The following CORO1C variants were observed in gnomAD, a reference collection of about 807,000 sequenced individuals.
CORO1C encodes coronin-1C.
CORO1C carries 14 observed loss-of-function variants against 51.2 expected under a neutral mutation model. That is an observed-to-expected ratio of 0.27 (90% CI 0.18 to 0.43). The LOEUF (loss-of-function observed/expected upper bound fraction) is 0.43, where lower values mean the gene tolerates loss of function less well. CORO1C is among the 20% of genes least tolerant of loss of function. The pLI is 1.00. For synonymous variants in CORO1C, 181 were observed against 210.5 expected (o/e 0.86, Z 1.21); for missense variants, 417 against 607.8 (o/e 0.69, Z 3.30).
Position 108,720,525 on chromosome 12 carries a change from A to T in CORO1C, c.-6+10904T>A, listed in dbSNP as rs1160209123. On this transcript the variant is annotated intron_variant, in intron 1 of 10. Coordinates refer to ENST00000261401, the MANE Select transcript of CORO1C (RefSeq NM_014325.4). ...GTTAGTTTATAATAACATAATAAGA[A>T]TTTTTTTTTTTTATTTGAGATGGAG... Among the ~76,000 whole-genome samples the T allele has an allele frequency of 2.0e-5, 3 of 148,980 alleles. No individual in the cohort carries two copies. In the East Asian group the frequency reaches 5.9e-4, roughly 29 times the overall value.
chr12:108,667,387 T>C (rs2033525232), intron 3 of CORO1C, among the ~76,000 whole-genome samples: 1 of 152,208 alleles, frequency 6.6e-6, no homozygotes, highest in South Asian at 2.1e-4. Context: ...ACCAACCAGC[T>C]TTCTCAAAAC....
chr12:108,698,622 G>A (rs1002034913), intron 2 of CORO1C, among the ~76,000 whole-genome samples: 1 of 152,192 alleles, frequency 6.6e-6, no homozygotes, highest in African/African-American at 2.4e-5. Context: ...GTCCAGGCTG[G>A]TCTCGAACTC....
rs2032390666 is a variant in CORO1C, at chr12:108,647,044, A to G, written c.*359T>C. On this transcript the variant is annotated 3_prime_UTR_variant, in exon 11 of 11. Coordinates refer to ENST00000261401, the MANE Select transcript of CORO1C (RefSeq NM_014325.4). ...TGTGGCATTGGTCCCTATTCATTAA[A>G]AAAAAAAGGGTACTTGGGCACGACA... The G allele has an allele frequency of 5.8e-6, 1 of 173,652 alleles. No homozygotes were observed. Among genetic ancestry groups the G allele is most frequent in the African/African-American group, 2.4e-5 (1 of 42,350 alleles). 10.8% of individuals were successfully genotyped at this position (173,652 alleles called of 1,614,324 possible).
rs2033119844 is a variant in CORO1C, at chr12:108,658,492, A to G, written c.630+246T>C. Among the ~76,000 whole-genome samples, 1 of 152,244 alleles carries G rather than the reference A, an allele frequency of 6.6e-6. No individual in the cohort carries two copies. The highest frequency in any genetic ancestry group is 1.5e-5 in the Non-Finnish European group (1 of 68,056). Reference sequence around the variant, plus strand: ...CTCTTAAGGACTCTAGTGAACTGATACAAACTATTTCTTTGTGAAAAAAGG... The same window carrying G: ...CTCTTAAGGACTCTAGTGAACTGATGCAAACTATTTCTTTGTGAAAAAAGG... On this transcript the variant is annotated intron_variant, in intron 5 of 10. Transcript: ENST00000261401. The surrounding 1 kb of genome is among the most constrained non-coding windows in gnomAD (Gnocchi z 4.9).
chr12:108,668,758 TTGCATTTGTGTTTGATTACTACCC>T (rs2033597368), intron 3 of CORO1C, among the ~76,000 whole-genome samples: 1 of 152,248 alleles, frequency 6.6e-6, no homozygotes, highest in African/African-American at 2.4e-5. Flanking sequence ...TAGCCATTTT[TTGCATTTGTGTTTGATTACTACCC>T]TGCAGATAAG....
chr12:108,693,929 C>T (rs1318668342), intron 2 of CORO1C, among the ~76,000 whole-genome samples: 4 of 152,148 alleles, frequency 2.6e-5, no homozygotes, highest in African/African-American at 9.7e-5. Context: ...TCTCTCACAC[C>T]CCAGTGCTAA....
intron 1 of CORO1C, among the ~76,000 whole-genome samples, chr12:108,724,938 C>T (rs141053860): frequency 0.028 from 4,194 of 152,292 alleles, 88 homozygotes; most frequent in Middle Eastern, 0.079. Flanking sequence ...GCTCTTTTCC[C>T]ACACAGGATG....
intron 6 of CORO1C, among the ~76,000 whole-genome samples, chr12:108,654,630 T>C (rs892778005): frequency 6.6e-6 from 1 of 151,970 alleles, no homozygotes; most frequent in African/African-American, 2.4e-5. Flanking sequence ...TTTGACAACA[T>C]AATGCGCGCA....
At chr12:108,699,684 A>G (rs2034803755) in intron 2 of CORO1C, among the ~76,000 whole-genome samples, 1 of 152,034 alleles carries the variant, frequency 6.6e-6, no homozygotes, top group Admixed American at 6.6e-5. Context: ...TCAAATCCCC[A>G]CTCCAAAACC....
intron 6 of CORO1C, among the ~76,000 whole-genome samples, chr12:108,655,959 C>T (rs147276847): frequency 0.024 from 3,688 of 150,920 alleles, 156 homozygotes; most frequent in African/African-American, 0.086. Context: ...GGCCGCCCAT[C>T]GTCTGAGATG....
intron 3 of CORO1C, among the ~76,000 whole-genome samples, chr12:108,667,557 T>C (rs1031797677): frequency 6.6e-6 from 1 of 152,198 alleles, no homozygotes; most frequent in East Asian, 1.9e-4. Context: ...GGACAACACA[T>C]TACTATGGCA....
chr12:108,694,904 G>A (rs554019301), intron 2 of CORO1C, among the ~76,000 whole-genome samples: 7 of 152,298 alleles, frequency 4.6e-5, no homozygotes, highest in South Asian at 4.1e-4. Flanking sequence ...TATGAGTCAC[G>A]TAATACAGTC....
chr12:108,682,328 T>A (rs909385689), intron 2 of CORO1C, among the ~76,000 whole-genome samples: 3 of 151,984 alleles, frequency 2.0e-5, no homozygotes, highest in Non-Finnish European at 4.4e-5. Flanking sequence ...GCTACACATA[T>A]TTTAAAAAAA....
chr12:108,723,292 T>C (rs961617305), intron 1 of CORO1C, among the ~76,000 whole-genome samples: 1 of 152,264 alleles, frequency 6.6e-6, no homozygotes, highest in African/African-American at 2.4e-5. Context: ...CAGTCAATTC[T>C]TTAAGTTCCT....
chr12:108,707,639 T>A (rs770143344), intron 1 of CORO1C, among the ~76,000 whole-genome samples: 6 of 152,134 alleles, frequency 3.9e-5, no homozygotes, highest in Non-Finnish European at 8.8e-5. Flanking sequence ...AAAAACTGGA[T>A]TCCATCAAAA....
intron 1 of CORO1C, among the ~76,000 whole-genome samples, chr12:108,714,694 C>A (rs888506898): frequency 6.6e-6 from 1 of 151,966 alleles, no homozygotes; most frequent in Admixed American, 6.6e-5. Context: ...GCCCAGGAGG[C>A]AGAGGTTGCA....
chr12:108,707,744 C>T (rs1178427062), intron 1 of CORO1C, among the ~76,000 whole-genome samples: 3 of 152,162 alleles, frequency 2.0e-5, no homozygotes, highest in Non-Finnish European at 4.4e-5. Flanking sequence ...TCTGATAAGA[C>T]ACTTGTATCT....
In CORO1C at chr12:108,648,682, G is replaced by C. The variant is rs1266995314; in HGVS notation, c.1228C>G (p.Leu410Val). The C allele has an allele frequency of 1.2e-6, 2 of 1,614,060 alleles. No individual in the cohort carries two copies. Among genetic ancestry groups the C allele is most frequent in the African/African-American group, 2.7e-5 (2 of 74,918 alleles). Residue 410 changes from leucine to valine, a missense_variant, in exon 10 of 11, where the codon CTG (leucine) becomes GTG (valine). By Grantham distance (32) the Leu-to-Val change is conservative. Coordinates refer to ENST00000261401, the MANE Select transcript of CORO1C (RefSeq NM_014325.4). ...RDLKVVKKNI[L>V]DSKPTANKKC... ...TTGTTTGCAGTGGGCTTGCTATCCA[G>C]AATGTTCTTCTTGACCACCTTGAGA...
chr12:108,681,286 A>C (rs1277781231), intron 2 of CORO1C, among the ~76,000 whole-genome samples: 1 of 152,256 alleles, frequency 6.6e-6, no homozygotes, highest in African/African-American at 2.4e-5. Flanking sequence ...CAGAGGCAAA[A>C]ATTAAAGAGA....
Sources: allele counts gnomAD v4.1 joint callset (sites outside exome capture counted in the v4.1 genomes callset), GRCh38; gene constraint gnomAD v4.1.1; non-coding constraint Gnocchi (gnomAD v3.1); transcripts MANE v1.5; gene names NCBI Gene and HGNC (gene_info 2026-07-23, HGNC 2026-07-21).